RABGAP1L: variants seen among roughly 807,000 people sequenced by gnomAD.
RABGAP1L encodes the protein RAB GTPase activating protein 1 like.
Under a neutral mutation model 137.7 loss-of-function variants are expected in RABGAP1L, and 63 were observed. The ratio of observed to expected loss-of-function variants is 0.46; its 90% CI spans 0.37 to 0.56. RABGAP1L has a LOEUF of 0.56. Ranked by LOEUF, RABGAP1L falls within the 20% of genes least tolerant of loss-of-function variation. RABGAP1L has a pLI of 0.00. For synonymous variants in RABGAP1L, 431 were observed against 433.7 expected (o/e 0.99, Z 0.08); for missense variants, 1,095 against 1,244.0 (o/e 0.88, Z 1.80).
At chr1:174,801,000 A>G (rs1001754845) in intron 18 of RABGAP1L, among the ~76,000 whole-genome samples, 1 of 152,198 alleles carries the variant, frequency 6.6e-6, no homozygotes, top group Non-Finnish European at 1.5e-5. Context: ...AGGAAATTTT[A>G]GGTTTCTCTC....
At chr1:174,602,855 G>T (rs1418898441) in intron 13 of RABGAP1L, among the ~76,000 whole-genome samples, 1 of 151,952 alleles carries the variant, frequency 6.6e-6, no homozygotes, top group Non-Finnish European at 1.5e-5. Context: ...TTTCTGTGTT[G>T]TCTTGAAGTT....
At chr1:174,490,797 C>T (rs1048306113) in intron 13 of RABGAP1L, among the ~76,000 whole-genome samples, 18 of 152,036 alleles carry the variant, frequency 1.2e-4, no homozygotes, top group African/African-American at 4.1e-4. Context: ...CGGTTTTTCC[C>T]GTTCTTCCCT....
chr1:174,296,058 T>C (rs1354940154), intron 10 of RABGAP1L, among the ~76,000 whole-genome samples: 1 of 151,960 alleles, frequency 6.6e-6, no homozygotes, highest in African/African-American at 2.4e-5. Context: ...GCCAAATAAA[T>C]ATAGAAGGAT....
intron 19 of RABGAP1L, among the ~76,000 whole-genome samples, chr1:174,906,079 C>G (rs61828142): frequency 0.59 from 89,693 of 151,796 alleles, 29,408 homozygotes; most frequent in African/African-American, 0.89. Context: ...GTGCAGTGGC[C>G]CCATCTCCAC....
chr1:174,819,187 TAAAAA>T (rs71299431), intron 19 of RABGAP1L, among the ~76,000 whole-genome samples: 13 of 44,872 alleles, frequency 2.9e-4, no homozygotes, highest in African/African-American at 1.0e-3. Context: ...TGCCTGTCTC[TAAAAA>T]AAAAAAAAAA....
At chr1:174,281,246 C>T (rs542990169) in intron 10 of RABGAP1L, among the ~76,000 whole-genome samples, 2 of 152,266 alleles carry the variant, frequency 1.3e-5, no homozygotes, top group South Asian at 2.1e-4. Flanking sequence ...TTATTTGGCC[C>T]AGCCTGCGCC....
At chr1:174,528,491 G>A (rs1280551730) in intron 13 of RABGAP1L, among the ~76,000 whole-genome samples, 1 of 148,184 alleles carries the variant, frequency 6.7e-6, no homozygotes, top group African/African-American at 2.5e-5. Flanking sequence ...TCCTTGACTG[G>A]CCTTTTTTTT....
rs575258941 is a variant in RABGAP1L, at chr1:174,854,260, T to C, written c.2340+42300T>C. Among the ~76,000 whole-genome samples, 3 of 152,328 alleles carry C rather than the reference T, an allele frequency of 2.0e-5. No homozygotes were observed. The East Asian group carries it at 5.8e-4, about 29-fold the overall frequency. The stretch of plus-strand genomic sequence containing the variant: ...ATAATATTGACCTCATGTTTTTGTT[T>C]TTATTTTTTGTTCATTGACTTCATG... On this transcript the variant is annotated intron_variant, in intron 19 of 25. Transcript: ENST00000681986.
rs749434385 is a variant in RABGAP1L, at chr1:174,702,204, C to T, written c.2117C>T (p.Ala706Val). The T allele has an allele frequency of 5.0e-6, 8 of 1,612,396 alleles. No homozygotes were observed. The highest frequency in any genetic ancestry group is 5.9e-6 in the Non-Finnish European group (7 of 1,179,042). ...ASQWFLTLFT[A>V]KFPLCMVFHI... Reference sequence around the variant, plus strand: ...CAGTGGTTTCTCACTCTTTTTACTGCCAAGTTCCCACTCTGCATGGTGTTC... The same window carrying T: ...CAGTGGTTTCTCACTCTTTTTACTGTCAAGTTCCCACTCTGCATGGTGTTC... Residue 706 changes from alanine (A) to valine (V), a missense_variant, in exon 17 of 26, where the codon GCC becomes GTC. Coordinates refer to ENST00000681986, the MANE Select transcript of RABGAP1L (RefSeq NM_001366446.1).
intron 19 of RABGAP1L, among the ~76,000 whole-genome samples, chr1:174,918,269 T>C (rs1661203372): frequency 1.3e-5 from 2 of 152,226 alleles, no homozygotes; most frequent in Admixed American, 6.5e-5. Context: ...TTATATATTT[T>C]AGTTTCTACA....
chr1:174,677,580 T>C (rs1677735276), intron 14 of RABGAP1L, among the ~76,000 whole-genome samples: 1 of 152,226 alleles, frequency 6.6e-6, no homozygotes, highest in South Asian at 2.1e-4. Context: ...ACCTTTGCCT[T>C]GGTAGCATAA....
intron 13 of RABGAP1L, among the ~76,000 whole-genome samples, chr1:174,619,778 C>G (rs1000201617): frequency 2.0e-5 from 3 of 152,170 alleles, no homozygotes; most frequent in African/African-American, 7.2e-5. Flanking sequence ...GGATCAAATT[C>G]ACAGATAACA....
intron 19 of RABGAP1L, among the ~76,000 whole-genome samples, chr1:174,833,469 G>GATATATATATATATATATATATA (rs1692397531): frequency 4.2e-5 from 1 of 23,686 alleles, no homozygotes; most frequent in African/African-American, 6.0e-5. Flanking sequence ...TATATATATA[G>GATATATATATATATATATATATA]TAGAGACAGG....
intron 13 of RABGAP1L, among the ~76,000 whole-genome samples, chr1:174,484,608 T>C (rs1659452248): frequency 6.6e-6 from 1 of 152,222 alleles, no homozygotes; most frequent in Admixed American, 6.5e-5. Context: ...TTCTTCTGCA[T>C]ATGGATAATC....
At chr1:174,790,503 G>C (rs1417609069) in intron 18 of RABGAP1L, among the ~76,000 whole-genome samples, 1 of 151,574 alleles carries the variant, frequency 6.6e-6, no homozygotes, top group African/African-American at 2.4e-5. Flanking sequence ...GGCTATTTTT[G>C]AATGCCAGTA....
At chr1:174,607,322 C>T (rs184961571) in intron 13 of RABGAP1L, among the ~76,000 whole-genome samples, 1 of 152,240 alleles carries the variant, frequency 6.6e-6, no homozygotes, top group African/African-American at 2.4e-5. Flanking sequence ...ATCTTTTTCC[C>T]CCATCACTTT....
chr1:174,589,405 C>A (rs1035012901), intron 13 of RABGAP1L, among the ~76,000 whole-genome samples: 3 of 152,104 alleles, frequency 2.0e-5, no homozygotes, highest in African/African-American at 7.2e-5. Context: ...TAGATTATCT[C>A]TTCACTTCGT....
At chr1:174,850,088 G>A (rs1257756332) in intron 19 of RABGAP1L, 2 of 518,434 alleles carry the variant, frequency 3.9e-6, no homozygotes, top group East Asian at 5.3e-5. Context: ...GATTGGGAGG[G>A]GGCTTCATCT....
At chr1:174,863,516 A>G (rs1217268577) in intron 19 of RABGAP1L, among the ~76,000 whole-genome samples, 3 of 151,246 alleles carry the variant, frequency 2.0e-5, no homozygotes, top group African/African-American at 7.3e-5. Flanking sequence ...TACTAAAAAG[A>G]CAAAAAATTA....
Sources: allele counts gnomAD v4.1 joint callset (sites outside exome capture counted in the v4.1 genomes callset), GRCh38; gene constraint gnomAD v4.1.1; transcripts MANE v1.5; gene names NCBI Gene and HGNC (gene_info 2026-07-23, HGNC 2026-07-21).